The following EPHA3 variants were observed in gnomAD, a reference collection of about 807,000 sequenced individuals.
EPHA3 encodes the protein ephrin type-A receptor 3.
In EPHA3, 42 loss-of-function variants were observed where a neutral mutation model predicts 107.1. The ratio of observed to expected loss-of-function variants is 0.39; its 90% CI spans 0.31 to 0.51. The LOEUF (loss-of-function observed/expected upper bound fraction) is 0.51. Among genes scored for constraint, EPHA3 ranks in the 20% least tolerant of loss-of-function variants. EPHA3 has a pLI of 0.78. For synonymous variants in EPHA3, 461 were observed against 424.8 expected (o/e 1.09, Z -1.05); for missense variants, 1,183 against 1,211.2 (o/e 0.98, Z 0.35).
chr3:89,163,170 TTTC>T (rs1704986329), intron 2 of EPHA3, among the ~76,000 whole-genome samples: 1 of 152,306 alleles, frequency 6.6e-6, no homozygotes, highest in Middle Eastern at 3.4e-3. Context: ...TAAGCTTCAG[TTTC>T]TTCTTCTATA....
intron 1 of EPHA3, among the ~76,000 whole-genome samples, chr3:89,108,570 A>G: frequency 6.6e-6 from 1 of 152,194 alleles, no homozygotes; most frequent in Non-Finnish European, 1.5e-5. Context: ...AAATAACTGA[A>G]TAGTAGATTA....
At chr3:89,467,830 G>A (rs373840007) in intron 15 of EPHA3, among the ~76,000 whole-genome samples, 4 of 152,142 alleles carry the variant, frequency 2.6e-5, no homozygotes, top group Admixed American at 6.5e-5. Flanking sequence ...TAATGACTGC[G>A]GTCTGTAGCC....
In EPHA3 at chr3:89,431,318, C is replaced by T. The variant is rs1709564704; in HGVS notation, c.2305C>T (p.Arg769Cys). 1 of 1,613,552 alleles carries T rather than the reference C, an allele frequency of 6.2e-7. No homozygotes were observed. The highest frequency in any genetic ancestry group is 2.2e-5 in the East Asian group (1 of 44,824). ...VCKVSDFGLS[R>C]VLEDDPEAAY... ...TAAGGTTTCTGATTTCGGACTTTCG[C>T]GTGTCCTGGAGGATGACCCAGAAGC... The change falls in exon 13 of 17, where the codon CGT (arginine) becomes TGT (cysteine). Residue 769 changes from arginine (R) to cysteine (C), a missense_variant. Coordinates refer to ENST00000336596, the MANE Select transcript of EPHA3 (RefSeq NM_005233.6).
At chr3:89,237,301 G>A (rs1323694597) in intron 3 of EPHA3, among the ~76,000 whole-genome samples, 1 of 152,202 alleles carries the variant, frequency 6.6e-6, no homozygotes, top group Non-Finnish European at 1.5e-5. Context: ...GAACCAAGAG[G>A]CAGAGGCTGC....
intron 3 of EPHA3, among the ~76,000 whole-genome samples, chr3:89,218,745 G>A (rs1704278736): frequency 1.3e-5 from 2 of 152,102 alleles, no homozygotes; most frequent in Admixed American, 6.5e-5. Context: ...ATCATCATTG[G>A]CCATCAGAGA....
chr3:89,136,752 T>G (rs115672692), intron 2 of EPHA3, among the ~76,000 whole-genome samples: 1 of 151,952 alleles, frequency 6.6e-6, no homozygotes, highest in African/African-American at 2.4e-5. Flanking sequence ...CTAACATATA[T>G]TAACTATAAA....
chr3:89,343,088 C>A (rs1485605414), intron 5 of EPHA3, among the ~76,000 whole-genome samples: 1 of 152,150 alleles, frequency 6.6e-6, no homozygotes, highest in African/African-American at 2.4e-5. Flanking sequence ...GTGGGAATCA[C>A]CCCTTGCTCT....
chr3:89,407,568 A>T (rs770314134), intron 8 of EPHA3, among the ~76,000 whole-genome samples, 197 bp downstream of exon 8: 2 of 152,000 alleles, frequency 1.3e-5, no homozygotes, highest in Admixed American at 6.6e-5. Context: ...GCTCTACATT[A>T]AATTCCTGTC....
chr3:89,384,845 G>A (rs1302612263), intron 5 of EPHA3, among the ~76,000 whole-genome samples: 1 of 152,024 alleles, frequency 6.6e-6, no homozygotes, highest in East Asian at 1.9e-4. Context: ...TCATCACCTT[G>A]TATAACAATG....
At chr3:89,227,501 A>G (rs1704529141) in intron 3 of EPHA3, among the ~76,000 whole-genome samples, 2 of 151,974 alleles carry the variant, frequency 1.3e-5, no homozygotes, top group Non-Finnish European at 2.9e-5. Context: ...GTTACGAGAG[A>G]CTGAATATTT....
At chr3:89,409,757 A>G (rs534265708) in intron 9 of EPHA3, among the ~76,000 whole-genome samples, 68 of 152,174 alleles carry the variant, frequency 4.5e-4, no homozygotes, top group Admixed American at 9.2e-4. Context: ...CTAGCTACGA[A>G]CTGTTCCCTA....
chr3:89,171,935 T>G (rs1235781381), intron 2 of EPHA3, among the ~76,000 whole-genome samples: 2 of 152,084 alleles, frequency 1.3e-5, no homozygotes, highest in Non-Finnish European at 2.9e-5. Flanking sequence ...ACAGAAGCCC[T>G]CTGTTTGGGT....
chr3:89,289,546 G>A (rs1706163825), intron 3 of EPHA3, among the ~76,000 whole-genome samples: 1 of 152,024 alleles, frequency 6.6e-6, no homozygotes, highest in South Asian at 2.1e-4. Context: ...TTAAATTTCT[G>A]TATCTGAGGT....
rs142052355 is a variant in EPHA3, at chr3:89,326,114, T to A, written c.815-14802T>A. On this transcript the variant is annotated intron_variant, in intron 3 of 16. Coordinates refer to ENST00000336596, the MANE Select transcript of EPHA3 (RefSeq NM_005233.6). ...ATCATTAATTATATATATTATTATATGTTATGTACATATTACATATATTAT... is the reference window on the plus strand; with the variant it reads ...ATCATTAATTATATATATTATTATAAGTTATGTACATATTACATATATTAT... Among the ~76,000 whole-genome samples, 142 of 151,614 alleles carry A rather than the reference T, an allele frequency of 9.4e-4. 4 individuals are homozygous for A. In the East Asian group the frequency reaches 0.023, roughly 25 times the overall value.
intron 3 of EPHA3, among the ~76,000 whole-genome samples, chr3:89,284,853 G>T (rs1706039616): frequency 6.6e-6 from 1 of 152,166 alleles, no homozygotes; most frequent in Admixed American, 6.6e-5. Flanking sequence ...GTTAGCCGAT[G>T]CGGTGGCTCA....
chr3:89,213,366 A>G (rs1164082207), intron 3 of EPHA3, among the ~76,000 whole-genome samples: 1 of 152,022 alleles, frequency 6.6e-6, no homozygotes, highest in Non-Finnish European at 1.5e-5. Flanking sequence ...CTATATTTCT[A>G]TACCAACTAT....
intron 2 of EPHA3, among the ~76,000 whole-genome samples, chr3:89,188,029 A>G (rs1295753178): frequency 6.6e-6 from 1 of 152,204 alleles, no homozygotes; most frequent in Non-Finnish European, 1.5e-5. Context: ...TTAATGGGCA[A>G]TATATAACAA....
intron 2 of EPHA3, among the ~76,000 whole-genome samples, chr3:89,196,157 T>C (rs559785336): frequency 6.6e-5 from 10 of 152,280 alleles, no homozygotes; most frequent in African/African-American, 1.9e-4. Context: ...CATATTCTTT[T>C]ATTCAAATAG....
At chr3:89,254,547 A>G (rs1705235616) in intron 3 of EPHA3, among the ~76,000 whole-genome samples, 1 of 152,026 alleles carries the variant, frequency 6.6e-6, no homozygotes. Flanking sequence ...AAATCCAACC[A>G]CTTCCCACTC....
Sources: allele counts gnomAD v4.1 joint callset (sites outside exome capture counted in the v4.1 genomes callset), GRCh38; gene constraint gnomAD v4.1.1; transcripts MANE v1.5; gene names NCBI Gene and HGNC (gene_info 2026-07-23, HGNC 2026-07-21).